TBX22: variants seen among roughly 807,000 people sequenced by gnomAD.
TBX22 encodes the protein T-box transcription factor TBX22.
In TBX22, 8 loss-of-function variants were observed where a neutral mutation model predicts 30.1. That is an observed-to-expected ratio of 0.27 (90% CI 0.16 to 0.48). The LOEUF (loss-of-function observed/expected upper bound fraction) is 0.48, where lower values mean the gene tolerates loss of function less well. Ranked by LOEUF, TBX22 falls within the 20% of genes least tolerant of loss-of-function variation. The probability of loss-of-function intolerance (pLI) is 0.99; values close to 1 mark genes in which losing one functional copy is unlikely to be tolerated. For synonymous variants in TBX22, 173 were observed against 149.1 expected, an observed-to-expected ratio of 1.16 and a Z score of -1.17; for missense variants, 463 against 400.5, an observed-to-expected ratio of 1.16 and a Z score of -1.33.
chrX:80,026,852 C>T lies in TBX22; in HGVS notation c.782C>T (p.Ala261Val). ...FKETEFTTVT[A>V]YQNQQITKLK... ...GAAACTGAGTTCACCACAGTAACGG[C>T]TTACCAAAACCAACAGGTAAACTTG... The change falls in exon 6 of 9, where the codon GCT becomes GTT. Residue 261 changes from alanine (A) to valine (V), a missense_variant. Transcript: ENST00000373296. 8.3e-7 allele frequency: 1 copy of T among 1,211,838 alleles called. No individual in the cohort carries two copies. Among genetic ancestry groups the T allele is most frequent in the Non-Finnish European group, 1.1e-6 (1 of 895,467 alleles).
At chrX:80,023,327 T>G (rs1369755433) in intron 3 of TBX22, 87 bp downstream of exon 3, 1 of 901,781 alleles carries the variant, frequency 1.1e-6, no homozygotes, top group African/African-American at 2.0e-5. Context: ...TCTCCAGTTT[T>G]ATGCTCTGGT....
At position 80,022,282 on chromosome X, in the gene TBX22, T is replaced by C. The variant is rs748427666; in HGVS notation, c.13T>C (p.Ser5Pro). Residue 5 changes from serine to proline, a missense_variant, in exon 2 of 9, where the codon TCT becomes CCT. Physicochemically the swap from Ser to Pro is moderately conservative, Grantham distance 74 (BLOSUM62 -1). Coordinates refer to ENST00000373296, the MANE Select transcript of TBX22 (RefSeq NM_001109878.2). ...ACCCCCTCCAGGGATGGCTCTGAGC[T>C]CTCGGGCGCGTGCCTTCTCCGTGGA... MALS[S>P]RARAFSVEAL... The C allele has an allele frequency of 5.0e-6, 6 of 1,210,342 alleles. No homozygotes were observed. Among genetic ancestry groups the C allele is most frequent in the Non-Finnish European group, 6.7e-6 (6 of 895,135 alleles).
Position 80,031,404 on chromosome X carries a change from T to C in TBX22, c.*293T>C, listed in dbSNP as rs1259520333. On this transcript the variant is annotated 3_prime_UTR_variant, in exon 9 of 9. Transcript: ENST00000373296. ...ACCAGTGAAAATTGATGCTAAGTGATGGGATTTTCAATTATACTGAAGCTA... is the reference window on the plus strand; with the variant it reads ...ACCAGTGAAAATTGATGCTAAGTGACGGGATTTTCAATTATACTGAAGCTA... 1.8e-5 allele frequency: 5 copies of C among 276,489 alleles called. No individual in the cohort carries two copies. In the South Asian group the frequency reaches 3.2e-4, roughly 18 times the overall value. 22.8% of individuals were successfully genotyped at this position (276,489 alleles called of 1,213,427 possible). A position where few individuals can be genotyped will look rare whatever the true frequency, so the allele number is the denominator to read the frequency against.
intron 1 of TBX22, among the ~76,000 whole-genome samples, chrX:80,021,069 GA>G (rs372390184): frequency 1.9e-5 from 2 of 107,592 alleles, no homozygotes; most frequent in South Asian, 3.9e-4. Flanking sequence ...GTCTCTTCCT[GA>G]AAAAAAAAGA....
At position 80,028,081 on chromosome X, in the gene TBX22, G is replaced by T; in HGVS notation, c.949+5G>T. ...CCTTTGGCGCAGACACACAAAGTAA[G>T]AAAACTTGGAACGTTTGTTTTATTT... On this transcript the variant is annotated splice_donor_5th_base_variant and intron_variant, in intron 8 of 8. Coordinates refer to ENST00000373296, the MANE Select transcript of TBX22 (RefSeq NM_001109878.2). 1 of 1,197,807 alleles carries T rather than the reference G, an allele frequency of 8.3e-7. No individual in the cohort carries two copies. Among genetic ancestry groups the T allele is most frequent in the Non-Finnish European group, 1.1e-6 (1 of 884,292 alleles).
At chrX:80,020,747 G>C (rs972961108) in intron 1 of TBX22, among the ~76,000 whole-genome samples, 2 of 111,679 alleles carry the variant, frequency 1.8e-5, no homozygotes, top group African/African-American at 3.3e-5. Context: ...CTAAGTAGCT[G>C]AAATTAAAAG....
chrX:80,022,745 G>A, intron 2 of TBX22: 1 of 425,441 alleles, frequency 2.4e-6, no homozygotes, highest in South Asian at 3.5e-5. Context: ...GGGAAGCAGG[G>A]CGAGTTCCCA....
intron 6 of TBX22, 28 bp from the exon 7 acceptor site, chrX:80,027,228 T>C (rs1417498167): frequency 2.3e-6 from 2 of 852,076 alleles, no homozygotes; most frequent in East Asian, 6.2e-5. Context: ...GCAATGACTT[T>C]ATCTTTCTCT....
intron 1 of TBX22, 69 bp from the exon 2 acceptor site, chrX:80,022,199 T>C (rs1029348139): frequency 8.3e-6 from 9 of 1,081,292 alleles, no homozygotes; most frequent in Admixed American, 6.7e-5. Context: ...TCCGCCTGTG[T>C]CTCCCCCTCC....
intron 4 of TBX22, 108 bp from the exon 5 acceptor site, chrX:80,025,495 T>C (rs1277538394): frequency 3.2e-6 from 2 of 628,392 alleles, no homozygotes; most frequent in Non-Finnish European, 5.4e-6. Flanking sequence ...TCTCCTTACT[T>C]GCCCTTGGGA....
At chrX:80,027,374 GTT>G (rs397895286) in intron 7 of TBX22, 54 bp downstream of exon 7, 7,036 of 407,516 alleles carry the variant, frequency 0.017, 1 homozygote, top group East Asian at 0.043. Flanking sequence ...ATTTTCACAA[GTT>G]TTTTTTTTTT....
chrX:80,026,980 C>T, intron 6 of TBX22, 112 bp downstream of exon 6: 1 of 843,102 alleles, frequency 1.2e-6, no homozygotes, highest in South Asian at 2.1e-5. Context: ...AAATAAAAAT[C>T]ATAGTTTTAT....
Position 80,031,141 on chromosome X carries a change from A to G in TBX22, c.*30A>G, listed in dbSNP as rs2147609208. 8.5e-7 allele frequency: 1 copy of G among 1,176,241 alleles called. No individual in the cohort carries two copies. Among genetic ancestry groups the G allele is most frequent in the Non-Finnish European group, 1.1e-6 (1 of 870,761 alleles). ...ACAATAGCATTTCTAGAACAATTAC[A>G]TGTAAACAAATATTTTCTTTATTTG... On this transcript the variant is annotated 3_prime_UTR_variant, in exon 9 of 9. Transcript: ENST00000373296.
chrX:80,017,280 TTGTG>T (rs3048747), intron 1 of TBX22, among the ~76,000 whole-genome samples: 21,463 of 93,744 alleles, frequency 0.23, 1,994 homozygotes, highest in East Asian at 0.32. Context: ...GGTGTTGTTT[TTGTG>T]TGTGTGTGTG....
At chrX:80,028,505 G>A (rs1404816413) in intron 8 of TBX22, among the ~76,000 whole-genome samples, 2 of 111,601 alleles carry the variant, frequency 1.8e-5, no homozygotes, top group Non-Finnish European at 3.8e-5. Context: ...ATTCATCACT[G>A]AGCTCTAATT....
chrX:80,029,921 G>T (rs1924163977), intron 8 of TBX22, among the ~76,000 whole-genome samples: 1 of 111,967 alleles, frequency 8.9e-6, no homozygotes, highest in South Asian at 3.7e-4. Context: ...ATGATACATG[G>T]TAGTAGTGCT....
chrX:80,025,078 G>A (rs1461654240), intron 4 of TBX22, among the ~76,000 whole-genome samples: 1 of 112,319 alleles, frequency 8.9e-6, no homozygotes, highest in African/African-American at 3.2e-5. Flanking sequence ...TCAAATTGCA[G>A]CTGGCTTGGG....
chrX:80,020,606 T>C (rs1463808383), intron 1 of TBX22, among the ~76,000 whole-genome samples: 1 of 111,441 alleles, frequency 9.0e-6, no homozygotes, highest in East Asian at 2.8e-4. Context: ...TGTAAGTAAC[T>C]CTTTGCCATA....
At position 80,022,389 on chromosome X, in the gene TBX22, C is replaced by T. The variant is rs1430424820; in HGVS notation, c.120C>T (p.Gly40=). ...AEQPELREKK[G]GEEEEERRSS... ...AGCCTGAGCTGCGGGAGAAAAAGGGCGGAGAGGAAGAGGAGGAGAGAAGGA... is the reference window on the plus strand; with the variant it reads ...AGCCTGAGCTGCGGGAGAAAAAGGGTGGAGAGGAAGAGGAGGAGAGAAGGA... The change falls in exon 2 of 9, where the codon GGC becomes GGT. Residue 40 remains glycine, a synonymous_variant. Transcript: ENST00000373296. The T allele has an allele frequency of 8.3e-7, 1 of 1,207,716 alleles. No individual in the cohort carries two copies. Among genetic ancestry groups the T allele is most frequent in the South Asian group, 1.8e-5 (1 of 56,228 alleles).
Sources: allele counts gnomAD v4.1 joint callset (sites outside exome capture counted in the v4.1 genomes callset), GRCh38; gene constraint gnomAD v4.1.1; transcripts MANE v1.5; gene names NCBI Gene and HGNC (gene_info 2026-07-23, HGNC 2026-07-21).